The following VRK1 variants were observed in gnomAD, a reference collection of about 807,000 sequenced individuals.
VRK1 encodes the protein serine/threonine-protein kinase VRK1.
A neutral mutation model predicts 57.1 loss-of-function variants in VRK1; 33 were observed. That is an observed-to-expected ratio of 0.58 (90% CI 0.44 to 0.77). The LOEUF is 0.77. Ranked by LOEUF, VRK1 falls within the 30% of genes least tolerant of loss-of-function variation. The pLI is 0.00. For missense variants in VRK1, 413 were observed against 477.3 expected (o/e 0.87, Z 1.25); for synonymous variants, 137 against 147.8 (o/e 0.93, Z 0.53).
At chr14:96,836,138 A>G (rs910078688) in intron 2 of VRK1, among the ~76,000 whole-genome samples, 8 of 152,020 alleles carry the variant, frequency 5.3e-5, no homozygotes, top group Non-Finnish European at 1.2e-4. Context: ...TTTTTTTAAT[A>G]TATTTTATTT....
At chr14:96,809,090 T>C (rs1392772890) in intron 1 of VRK1, among the ~76,000 whole-genome samples, 1 of 152,196 alleles carries the variant, frequency 6.6e-6, no homozygotes, top group Non-Finnish European at 1.5e-5. Context: ...CTAGAACGTC[T>C]AGAAGACTGG....
intron 11 of VRK1, among the ~76,000 whole-genome samples, chr14:96,866,322 A>G (rs529150957): frequency 6.6e-5 from 10 of 152,176 alleles, no homozygotes; most frequent in Non-Finnish European, 1.2e-4. Context: ...AGGCCAAATT[A>G]TCAGTCATTT....
intron 1 of VRK1, among the ~76,000 whole-genome samples, chr14:96,824,170 A>G (rs1413059709): frequency 6.6e-6 from 1 of 152,228 alleles, no homozygotes; most frequent in African/African-American, 2.4e-5. Flanking sequence ...ATTTTGGTGT[A>G]AGCTGTGGAA....
chr14:96,879,874 G>A (rs1393566023), intron 12 of VRK1, among the ~76,000 whole-genome samples: 1 of 151,524 alleles, frequency 6.6e-6, no homozygotes, highest in African/African-American at 2.4e-5. Flanking sequence ...GGTTGCCTGA[G>A]CCAAGATCGT....
chr14:96,805,001 A>T (rs1885814494), intron 1 of VRK1, among the ~76,000 whole-genome samples: 1 of 152,214 alleles, frequency 6.6e-6, no homozygotes, highest in African/African-American at 2.4e-5. Context: ...GATGTGGGTG[A>T]CATTTCTTAC....
intron 11 of VRK1, among the ~76,000 whole-genome samples, chr14:96,875,267 A>C (rs1888980572): frequency 6.6e-6 from 1 of 152,208 alleles, no homozygotes; most frequent in African/African-American, 2.4e-5. Flanking sequence ...AAACACATAA[A>C]ATGAAATTGA....
At chr14:96,808,017 C>CTG (rs3049309) in intron 1 of VRK1, among the ~76,000 whole-genome samples, 4,598 of 127,270 alleles carry the variant, frequency 0.036, 146 homozygotes, top group African/African-American at 0.08. Flanking sequence ...CTCTCTCCCT[C>CTG]TGTGTGTGTG....
chr14:96,805,451 CT>C (rs1164813472), intron 1 of VRK1, among the ~76,000 whole-genome samples: 2 of 152,176 alleles, frequency 1.3e-5, no homozygotes, highest in Non-Finnish European at 2.9e-5. Context: ...AAAGTACTCA[CT>C]TTCCATTTTG....
Position 96,834,308 on chromosome 14 carries a change from GATTA to G in VRK1, c.160+689_160+692del, listed in dbSNP as rs375651507. The stretch of plus-strand genomic sequence containing the variant: ...TGTTCTCACTCTACTTCCAATCTCA[GATTA>G]ATTAATTAATTTCTACCATGGAGGT... On this transcript the variant is annotated intron_variant, in intron 2 of 12. Coordinates refer to ENST00000216639, the MANE Select transcript of VRK1 (RefSeq NM_003384.3). Among the ~76,000 whole-genome samples, 7 of 152,072 alleles carry G rather than the reference GATTA, an allele frequency of 4.6e-5. No homozygotes were observed. The East Asian group carries it at 1.2e-3, about 25-fold the overall frequency.
chr14:96,856,322 AG>A (rs1864215729), intron 9 of VRK1, 72 bp downstream of exon 9: 1 of 1,557,960 alleles, frequency 6.4e-7, no homozygotes, highest in Admixed American at 1.7e-5. Context: ...ATTTCTTGAT[AG>A]GAACTATAGT....
intron 1 of VRK1, among the ~76,000 whole-genome samples, chr14:96,820,286 C>T (rs900268880): frequency 4.6e-5 from 7 of 151,936 alleles, no homozygotes. Context: ...AGCTTTTTCA[C>T]CTTCCCAATT....
At chr14:96,863,746 C>T (rs1045717967) in intron 11 of VRK1, among the ~76,000 whole-genome samples, 9 of 152,094 alleles carry the variant, frequency 5.9e-5, no homozygotes, top group Admixed American at 1.3e-4. Context: ...TTTCTGGCTG[C>T]ATTATGCTAA....
At chr14:96,841,843 A>C (rs1161295788) in intron 3 of VRK1, among the ~76,000 whole-genome samples, 1 of 152,038 alleles carries the variant, frequency 6.6e-6, no homozygotes, top group East Asian at 1.9e-4. Context: ...TCAAAAAAAA[A>C]AAAAATACCA....
chr14:96,815,672 T>C (rs1463962982), intron 1 of VRK1, among the ~76,000 whole-genome samples: 1 of 151,440 alleles, frequency 6.6e-6, no homozygotes, highest in South Asian at 2.1e-4. Context: ...TCACTTGAGC[T>C]CAGGAGTTTG....
intron 3 of VRK1, among the ~76,000 whole-genome samples, chr14:96,841,947 C>G (rs1359043878): frequency 6.6e-6 from 1 of 152,122 alleles, no homozygotes; most frequent in African/African-American, 2.4e-5. Context: ...CTAGCACTCT[C>G]TCCTGAATAA....
intron 5 of VRK1, among the ~76,000 whole-genome samples, chr14:96,851,957 A>G (rs1887967491): frequency 6.6e-6 from 1 of 152,206 alleles, no homozygotes; most frequent in South Asian, 2.1e-4. Context: ...ATACATTCTG[A>G]GTGTGGTTTT....
chr14:96,812,807 G>A (rs955739330), intron 1 of VRK1, among the ~76,000 whole-genome samples: 1 of 152,146 alleles, frequency 6.6e-6, no homozygotes, highest in Admixed American at 6.5e-5. Flanking sequence ...ATTGGAAAAT[G>A]TACATCTACT....
intron 1 of VRK1, among the ~76,000 whole-genome samples, chr14:96,807,694 C>T (rs1208893842): frequency 6.6e-6 from 1 of 152,152 alleles, no homozygotes. Context: ...CTGCATCTAT[C>T]TAAGCTATGT....
At chr14:96,824,792 T>C (rs1886738659) in intron 1 of VRK1, among the ~76,000 whole-genome samples, 1 of 151,668 alleles carries the variant, frequency 6.6e-6, no homozygotes, top group Non-Finnish European at 1.5e-5. Context: ...TAGCTGGGAC[T>C]ACAGGCATCC....
Sources: gnomAD v4.1 joint callset for allele counts (sites outside exome capture counted in the v4.1 genomes callset) on GRCh38, gnomAD v4.1.1 for gene constraint, MANE v1.5 for transcripts, NCBI Gene and HGNC (gene_info 2026-07-23, HGNC 2026-07-21) for gene names.